Variants in ADAM9 observed in about 807,000 individuals in gnomAD.
The protein encoded by ADAM9 is disintegrin and metalloproteinase domain-containing protein 9.
Under a neutral mutation model 108.1 loss-of-function variants are expected in ADAM9, and 54 were observed. The ratio of observed to expected loss-of-function variants is 0.50; its 90% CI spans 0.40 to 0.63. ADAM9 has a LOEUF of 0.63. Among genes scored for constraint, ADAM9 ranks in the 20% least tolerant of loss-of-function variants. The probability of loss-of-function intolerance (pLI) is 0.00; values close to 1 mark genes in which losing one functional copy is unlikely to be tolerated. For synonymous variants in ADAM9, 316 were observed against 336.0 expected (o/e 0.94, Z 0.65); for missense variants, 830 against 997.7 (o/e 0.83, Z 2.26).
chr8:39,000,664 G>T (rs1564211125), intron 1 of ADAM9, among the ~76,000 whole-genome samples: 1 of 151,906 alleles, frequency 6.6e-6, no homozygotes, highest in Non-Finnish European at 1.5e-5. Context: ...AGGCAATCTT[G>T]CTCTGTTGCC....
intron 14 of ADAM9, among the ~76,000 whole-genome samples, chr8:39,064,397 A>G (rs922952432): frequency 1.3e-5 from 2 of 152,224 alleles, no homozygotes; most frequent in Admixed American, 6.5e-5. Flanking sequence ...CAGAGAAACA[A>G]TATCAATTGG....
intron 12 of ADAM9, among the ~76,000 whole-genome samples, chr8:39,047,068 C>G (rs1460903992): frequency 6.6e-6 from 1 of 152,196 alleles, no homozygotes; most frequent in Non-Finnish European, 1.5e-5. Context: ...TGCACCTGAT[C>G]TCATTAATTG....
intron 20 of ADAM9, among the ~76,000 whole-genome samples, chr8:39,098,795 C>A (rs981293457): frequency 1.1e-4 from 17 of 151,990 alleles, no homozygotes; most frequent in African/African-American, 3.9e-4. Flanking sequence ...TCTTAGTGCC[C>A]TTGTGATGTT....
At chr8:39,031,025 C>T (rs138025243) in intron 11 of ADAM9, among the ~76,000 whole-genome samples, 130 of 152,258 alleles carry the variant, frequency 8.5e-4, no homozygotes, top group African/African-American at 3.0e-3. Context: ...TACTAGTCTG[C>T]AGCTTATCTT....
intron 20 of ADAM9, among the ~76,000 whole-genome samples, chr8:39,093,259 C>G (rs566192057): frequency 6.6e-6 from 1 of 152,166 alleles, no homozygotes; most frequent in African/African-American, 2.4e-5. Flanking sequence ...TCTTCAATTC[C>G]TTTCATCAAT....
At chr8:39,069,950 C>T (rs574360300) in intron 14 of ADAM9, among the ~76,000 whole-genome samples, 112 of 148,290 alleles carry the variant, frequency 7.6e-4, no homozygotes, top group African/African-American at 2.8e-3. Context: ...GCCTTTCAGC[C>T]TGGGCTGCAT....
At chr8:39,013,854 A>G (rs1836436944) in intron 3 of ADAM9, 111 bp from the exon 4 acceptor site, 4 of 863,924 alleles carry the variant, frequency 4.6e-6, no homozygotes, top group Non-Finnish European at 3.8e-6. Context: ...TTATCTGGTG[A>G]AAGTTCTTAT....
At chr8:39,086,565 T>G (rs1384665635) in intron 18 of ADAM9, among the ~76,000 whole-genome samples, 2 of 152,228 alleles carry the variant, frequency 1.3e-5, no homozygotes, top group African/African-American at 4.8e-5. Context: ...TTGTAATAAC[T>G]GCTAATGTCC....
chr8:39,018,412 T>A (rs969848615), intron 6 of ADAM9, among the ~76,000 whole-genome samples: 1 of 152,198 alleles, frequency 6.6e-6, no homozygotes, highest in African/African-American at 2.4e-5. Context: ...CTCTGGGATA[T>A]TAGTGGATAT....
chr8:39,085,575 C>T (rs1386433018), intron 18 of ADAM9, among the ~76,000 whole-genome samples: 5 of 151,436 alleles, frequency 3.3e-5, no homozygotes, highest in Non-Finnish European at 7.4e-5. Flanking sequence ...TGCCTTGCTG[C>T]TTGAATAATA....
At chr8:39,050,525 C>T (rs1015658623) in intron 12 of ADAM9, among the ~76,000 whole-genome samples, 4 of 150,820 alleles carry the variant, frequency 2.7e-5, no homozygotes, top group Non-Finnish European at 5.9e-5. Context: ...ATTCTGTTTG[C>T]TCTGATCTGC....
In ADAM9 at chr8:39,045,387, T is replaced by TGCGC. The variant is rs764213878; in HGVS notation, c.1302+3271_1302+3272insCGCG. Among the ~76,000 whole-genome samples, 17 of 46,706 alleles carry TGCGC rather than the reference T, an allele frequency of 3.6e-4. 3 individuals carry two copies. The highest frequency in any genetic ancestry group is 8.6e-4 in the African/African-American group (14 of 16,326). The allele number at this position is 46,706 out of a possible 152,430, so 30.6% of individuals were successfully genotyped here. A position where few individuals can be genotyped will look rare whatever the true frequency, so the allele number is the denominator to read the frequency against. Reference sequence around the variant, plus strand: ...AGGTGTGTGTACATACACCTATAGGTGTGTGTACACACACCTATATGTGCG... The same window carrying TGCGC: ...AGGTGTGTGTACATACACCTATAGGTGCGCGTGTGTACACACACCTATATGTGCG... On this transcript the variant is annotated intron_variant, in intron 12 of 21. Coordinates refer to ENST00000487273, the MANE Select transcript of ADAM9 (RefSeq NM_003816.3).
rs1839816419 is a variant in ADAM9, at chr8:39,104,877, CATA to C, written c.*1182_*1184del. ...CACTAAAAATTTTTTCATAACCTTT[CATA>C]ATAAAGTTTAATAATAGGTTTATTA... On this transcript the variant is annotated 3_prime_UTR_variant, in exon 22 of 22. Transcript: ENST00000487273. 2 of 441,318 alleles carry C rather than the reference CATA, an allele frequency of 4.5e-6. No individual in the cohort carries two copies. Among genetic ancestry groups the C allele is most frequent in the Non-Finnish European group, 8.9e-6 (2 of 223,642 alleles). 27.3% of individuals were successfully genotyped at this position (441,318 alleles called of 1,614,324 possible).
At chr8:39,042,932 C>T (rs530394026) in intron 12 of ADAM9, among the ~76,000 whole-genome samples, 1 of 152,236 alleles carries the variant, frequency 6.6e-6, no homozygotes, top group South Asian at 2.1e-4. Context: ...ATTCCACAAG[C>T]CCCTGACCAC....
chr8:39,019,539 C>CT (rs901853411), intron 7 of ADAM9, among the ~76,000 whole-genome samples: 83 of 152,200 alleles, frequency 5.5e-4, no homozygotes, highest in Non-Finnish European at 5.1e-4. Flanking sequence ...TTTCATGTTG[C>CT]TTTTTTTATT....
intron 14 of ADAM9, among the ~76,000 whole-genome samples, chr8:39,062,187 A>G (rs1838320735): frequency 6.6e-6 from 1 of 152,234 alleles, no homozygotes; most frequent in African/African-American, 2.4e-5. Flanking sequence ...ACAAACGTTC[A>G]GTATATAACC....
intron 12 of ADAM9, among the ~76,000 whole-genome samples, chr8:39,047,042 T>G (rs1837798561): frequency 6.6e-6 from 1 of 152,220 alleles, no homozygotes; most frequent in Non-Finnish European, 1.5e-5. Flanking sequence ...GTGCTGGGAT[T>G]ACAGGTGTGC....
chr8:39,058,809 C>T (rs1002095211), intron 14 of ADAM9, among the ~76,000 whole-genome samples: 1 of 152,196 alleles, frequency 6.6e-6, no homozygotes, highest in Non-Finnish European at 1.5e-5. Flanking sequence ...CAAAATTTTG[C>T]TAGTGGGTCA....
intron 1 of ADAM9, among the ~76,000 whole-genome samples, chr8:38,997,792 C>A (rs769907729): frequency 2.6e-5 from 4 of 152,150 alleles, no homozygotes; most frequent in Non-Finnish European, 5.9e-5. Context: ...ATAGCCAAAC[C>A]ATTCTTAAAA....
Sources: gnomAD v4.1 joint callset for allele counts (sites outside exome capture counted in the v4.1 genomes callset) on GRCh38, gnomAD v4.1.1 for gene constraint, MANE v1.5 for transcripts, NCBI Gene and HGNC (gene_info 2026-07-23, HGNC 2026-07-21) for gene names.